Variants in ELOA observed in about 807,000 individuals in gnomAD.
The protein encoded by ELOA is elongin-A.
A neutral mutation model predicts 85.2 loss-of-function variants in ELOA; 15 were observed. That is an observed-to-expected ratio of 0.18 (90% CI 0.12 to 0.27). The LOEUF (loss-of-function observed/expected upper bound fraction) is 0.27, where lower values mean the gene tolerates loss of function less well. Ranked by LOEUF, ELOA falls within the 10% of genes least tolerant of loss-of-function variation. The pLI is 1.00. For missense variants in ELOA, 769 were observed against 952.7 expected (o/e 0.81, Z 2.54); for synonymous variants, 348 against 357.2 (o/e 0.97, Z 0.29).
In ELOA at chr1:23,755,824, G is replaced by A. The variant is rs1570593546; in HGVS notation, c.1792-19G>A. 1 of 1,556,688 alleles carries A rather than the reference G, an allele frequency of 6.4e-7. No individual in the cohort carries two copies. The highest frequency in any genetic ancestry group is 2.3e-5 in the East Asian group (1 of 44,000). On this transcript the variant is annotated intron_variant, in intron 7 of 10. Transcript: ENST00000613537. The stretch of plus-strand genomic sequence containing the variant: ...GGAAAAGTGCTTGTACACAAATGAT[G>A]TCCTGGTTCTGGTTTCAGGTATTAA...
At chr1:23,758,433 C>T (rs963623438) in intron 10 of ELOA, among the ~76,000 whole-genome samples, 1 of 149,456 alleles carries the variant, frequency 6.7e-6, no homozygotes, top group Non-Finnish European at 1.5e-5. Context: ...GCCACTAAGC[C>T]CAGCTAATTT....
chr1:23,746,549 G>C (rs1644747898), intron 1 of ELOA, among the ~76,000 whole-genome samples: 1 of 142,706 alleles, frequency 7.0e-6, no homozygotes, highest in Admixed American at 7.3e-5. Context: ...GGAGGTTGCA[G>C]TGAGCCGAGA....
rs1429278804 is a variant in ELOA, at chr1:23,750,932, G to A, written c.327G>A (p.Glu109=). The change falls in exon 4 of 11, where the codon GAG becomes GAA. Residue 109 remains glutamate (E), a synonymous_variant. Coordinates refer to ENST00000613537, the MANE Select transcript of ELOA (RefSeq NM_003198.3). The part of the protein sequence containing the change: ...RDALQKEEEM[E]GDYQETWKAT... ...CCCTGCAGAAGGAGGAGGAGATGGAGGGGGACTACCAAGAAACCTGGAAAG... is the reference window on the plus strand; with the variant it reads ...CCCTGCAGAAGGAGGAGGAGATGGAAGGGGACTACCAAGAAACCTGGAAAG... The A allele has an allele frequency of 2.5e-6, 4 of 1,613,968 alleles. No homozygotes were observed. The highest frequency in any genetic ancestry group is 1.7e-6 in the Non-Finnish European group (2 of 1,180,030).
At chr1:23,748,341 GTC>G (rs1644755380) in intron 1 of ELOA, among the ~76,000 whole-genome samples, 1 of 152,150 alleles carries the variant, frequency 6.6e-6, no homozygotes, top group Admixed American at 6.5e-5. Context: ...TGTCAAGCCT[GTC>G]TCTGACTCCA....
rs1355849740 is a variant in ELOA at position 23,760,317 on chromosome 1, T to A, written c.*744T>A. 1 of 152,084 alleles carries A rather than the reference T, an allele frequency of 6.6e-6. No individual in the cohort carries two copies. Among genetic ancestry groups the A allele is most frequent in the South Asian group, 2.1e-4 (1 of 4,820 alleles). 9.4% of individuals were successfully genotyped at this position (152,084 alleles called of 1,614,324 possible). A position where few individuals can be genotyped will look rare whatever the true frequency, so the allele number is the denominator to read the frequency against. ...CCCCACCTTTTTGTTTTTTTTTTTT[T>A]CTTTGAGGCTCACTAGAGGACGCAG... is the stretch of plus-strand genomic sequence containing the variant. On this transcript the variant is annotated 3_prime_UTR_variant, in exon 11 of 11. Transcript: ENST00000613537.
At chr1:23,753,441 C>T (rs1644781479) in intron 5 of ELOA, among the ~76,000 whole-genome samples, 1 of 152,134 alleles carries the variant, frequency 6.6e-6, no homozygotes, top group Admixed American at 6.5e-5. Context: ...CTGTTATTAG[C>T]AGCCCTTTAT....
intron 1 of ELOA, among the ~76,000 whole-genome samples, chr1:23,747,472 A>C (rs1644752115): frequency 6.6e-6 from 1 of 152,220 alleles, no homozygotes; most frequent in Non-Finnish European, 1.5e-5. Flanking sequence ...GTAAGAGCTT[A>C]GTGTAGTAGC....
rs1274135545 is a variant in ELOA at position 23,743,573 on chromosome 1, A to C, written c.70A>C (p.Lys24Gln). 6.7e-7 allele frequency: 1 copy of C among 1,489,144 alleles called. No homozygotes were observed. The highest frequency in any genetic ancestry group is 8.9e-7 in the Non-Finnish European group (1 of 1,124,108). The allele number at this position is 1,489,144 out of a possible 1,614,324, so 92.2% of individuals were successfully genotyped here. ...GCGCCTGGCCGCGAACCCGGACCCTAAGAAGGTAAGCGAGGGGGCGGCGCG... is the reference window on the plus strand; with the variant it reads ...GCGCCTGGCCGCGAACCCGGACCCTCAGAAGGTAAGCGAGGGGGCGGCGCG... ...QARLAANPDPKKLLKYLKKLS... is the reference protein window; with the variant it reads ...QARLAANPDPQKLLKYLKKLS... The change falls in exon 1 of 11, where the codon AAG becomes CAG. Residue 24 changes from lysine to glutamine, a missense_variant. This residue lies in a region of ELOA where 440 missense variants were observed against 474.0 expected (regional missense o/e 0.93). Transcript: ENST00000613537.
intron 3 of ELOA, 76 bp downstream of exon 3, chr1:23,750,024 C>G: frequency 1.7e-6 from 2 of 1,199,594 alleles, no homozygotes; most frequent in Non-Finnish European, 1.2e-6. Context: ...TTTATTATTT[C>G]TCTTTTGCCT....
chr1:23,749,882 A>G lies in ELOA; in HGVS notation c.173A>G (p.His58Arg), dbSNP rs1644761126. 6.2e-7 allele frequency: 1 copy of G among 1,613,902 alleles called. No homozygotes were observed. The highest frequency in any genetic ancestry group is 1.7e-5 in the Admixed American group (1 of 59,994). Residue 58 changes from histidine (H) to arginine (R), a missense_variant, in exon 3 of 11, where the codon CAC becomes CGC. His to Arg is a conservative substitution (Grantham distance 29). This residue lies in a region of ELOA where 440 missense variants were observed against 474.0 expected (regional missense o/e 0.93). Transcript: ENST00000613537. The stretch of plus-strand genomic sequence containing the variant: ...AAAACAGTAAATAGCTTGCGAAAAC[A>G]CGAGCATGTTGGAAGCTTTGCCAGG... ...VGKTVNSLRK[H>R]EHVGSFARDL...
intron 2 of ELOA, 31 bp from the exon 3 acceptor site, chr1:23,749,811 C>G: frequency 6.3e-7 from 1 of 1,596,326 alleles, no homozygotes; most frequent in Non-Finnish European, 8.6e-7. Context: ...TAGTTCCAGA[C>G]CCCTCTAACA....
intron 1 of ELOA, chr1:23,743,979 C>G (rs1393596754): frequency 6.2e-6 from 1 of 160,646 alleles, no homozygotes; most frequent in African/African-American, 2.4e-5. Context: ...CCCCGCGGAG[C>G]GGCGCGGACT....
At chr1:23,749,309 C>G (rs1298890428) in intron 2 of ELOA, among the ~76,000 whole-genome samples, 2 of 152,068 alleles carry the variant, frequency 1.3e-5, no homozygotes, top group Non-Finnish European at 2.9e-5. Flanking sequence ...AACAGGATTT[C>G]TTTTTAGGGT....
rs571938377 is a variant in ELOA at position 23,759,423 on chromosome 1, A to AT, written c.2258-88dup. The AT allele has an allele frequency of 7.5e-3, 9,770 of 1,298,614 alleles. 57 individuals carry two copies. Among genetic ancestry groups the AT allele is most frequent in the Non-Finnish European group, 9.2e-3 (8,206 of 895,456 alleles). 80.4% of individuals were successfully genotyped at this position (1,298,614 alleles called of 1,614,324 possible). Reference sequence around the variant, plus strand: ...TCTGCCTGGTGGTGCACAGCCAAGAATAGCAGAGCTGGCTTTGACTGTAAA... The same window carrying AT: ...TCTGCCTGGTGGTGCACAGCCAAGAATTAGCAGAGCTGGCTTTGACTGTAAA... On this transcript the variant is annotated intron_variant, in intron 10 of 10. Coordinates refer to ENST00000613537, the MANE Select transcript of ELOA (RefSeq NM_003198.3).
chr1:23,751,083 A>C lies in ELOA; in HGVS notation c.478A>C (p.Arg160=). ...GAGAGATGAGAGAAAGAGGTGTCAC[A>C]GAATGTCACCAACTTACTCTTCAGA... ...ERRDERKRCH[R]MSPTYSSDPE... The change falls in exon 4 of 11, where the codon AGA becomes CGA. Residue 160 remains arginine, a synonymous_variant. Transcript: ENST00000613537. 1 of 1,614,144 alleles carries C rather than the reference A, an allele frequency of 6.2e-7. No homozygotes were observed. The highest frequency in any genetic ancestry group is 8.5e-7 in the Non-Finnish European group (1 of 1,180,040).
rs570891120 is a variant in ELOA at position 23,751,904 on chromosome 1, T to C, written c.1299T>C (p.Asp433=). ...AAACTTCAGCCACGGCACTTGGAGA[T>C]AAAGGACTTAAAAAAAATGACTCTA... ...IVKTSATALG[D]KGLKKNDSKS... The change falls in exon 4 of 11, where the codon GAT becomes GAC. Residue 433 remains aspartate (D), a synonymous_variant. Coordinates refer to ENST00000613537, the MANE Select transcript of ELOA (RefSeq NM_003198.3). 1.9e-6 allele frequency: 3 copies of C among 1,613,850 alleles called. No individual in the cohort carries two copies. The highest frequency in any genetic ancestry group is 2.5e-6 in the Non-Finnish European group (3 of 1,180,008).
At chr1:23,754,650 G>A (rs1284186406) in intron 7 of ELOA, among the ~76,000 whole-genome samples, 190 bp downstream of exon 7, 1 of 152,186 alleles carries the variant, frequency 6.6e-6, no homozygotes, top group African/African-American at 2.4e-5. Context: ...ACCTTAAGTG[G>A]GCCTCTTGGG....
In ELOA at chr1:23,759,656, G is replaced by A. The variant is rs1175848250; in HGVS notation, c.*83G>A. 1.3e-6 allele frequency: 2 copies of A among 1,504,736 alleles called. No individual in the cohort carries two copies. The highest frequency in any genetic ancestry group is 2.8e-5 in the African/African-American group (2 of 72,538). The allele number at this position is 1,504,736 out of a possible 1,614,324, so 93.2% of individuals were successfully genotyped here. A position where few individuals can be genotyped will look rare whatever the true frequency, so the allele number is the denominator to read the frequency against. ...GGTTGGGGAATGGAATTCTACAGGA[G>A]ACTGGAGTCTTGCTTTGTGGATCCT... On this transcript the variant is annotated 3_prime_UTR_variant, in exon 11 of 11. Transcript: ENST00000613537.
intron 8 of ELOA, 116 bp downstream of exon 8, chr1:23,756,139 G>A: frequency 1.4e-6 from 2 of 1,454,056 alleles, no homozygotes; most frequent in Non-Finnish European, 1.8e-6. Context: ...AGGTAGCAGG[G>A]TGGGTATTTC....
Sources: gnomAD v4.1 joint callset for allele counts (sites outside exome capture counted in the v4.1 genomes callset) on GRCh38, gnomAD v4.1.1 for gene constraint, gnomAD v4.1.1 regional missense constraint, MANE v1.5 for transcripts, NCBI Gene and HGNC (gene_info 2026-07-23, HGNC 2026-07-21) for gene names.